MYH10: variants seen among roughly 807,000 people sequenced by gnomAD.
The protein encoded by MYH10 is myosin heavy chain 10.
In MYH10, 55 loss-of-function variants were observed where a neutral mutation model predicts 257.8. The observed-to-expected ratio is 0.21, with a 90% CI of 0.17 to 0.27. The LOEUF is 0.27. Ranked by LOEUF, MYH10 falls within the 10% of genes least tolerant of loss-of-function variation. The pLI is 1.00. For synonymous variants in MYH10, 854 were observed against 921.7 expected, an observed-to-expected ratio of 0.93 and a Z score of 1.33; for missense variants, 1,631 against 2,500.6, an observed-to-expected ratio of 0.65 and a Z score of 7.42.
At position 8,542,172 on chromosome 17, in the gene MYH10, T is replaced by G. The variant is rs2082308964; in HGVS notation, c.1540A>C (p.Ile514Leu). The change falls in exon 14 of 43, where the codon ATC becomes CTC. Residue 514 changes from isoleucine to leucine, a missense_variant. By Grantham distance (5) the Ile-to-Leu change is conservative (BLOSUM62 2). Coordinates refer to ENST00000360416, the MANE Select transcript of MYH10 (RefSeq NM_001256012.3). ...CCGAAATCGATGAAGTTCCACTCGA[T>G]GCCTTCGCGCTGGTATTCCTCTTGT... is the stretch of plus-strand genomic sequence containing the variant. ...LEQEEYQREG[I>L]EWNFIDFGLD... is the part of the protein sequence containing the mutation. 6.2e-7 allele frequency: 1 copy of G among 1,614,098 alleles called. No homozygotes were observed. Among genetic ancestry groups the G allele is most frequent in the Admixed American group, 1.7e-5 (1 of 60,004 alleles).
chr17:8,555,956 A>G (rs113991903), intron 7 of MYH10, among the ~76,000 whole-genome samples: 154 of 152,368 alleles, frequency 1.0e-3, no homozygotes, highest in African/African-American at 3.3e-3. Flanking sequence ...AAACAACCCA[A>G]TAAGAAAACA....
chr17:8,521,465 CTT>C (rs1163687584), intron 17 of MYH10, 180 bp from the exon 18 acceptor site: 3 of 625,206 alleles, frequency 4.8e-6, no homozygotes, highest in Admixed American at 5.7e-5. Flanking sequence ...CAGCCACACA[CTT>C]ATATGGCAGG....
At chr17:8,614,201 G>T (rs1323680670) in intron 2 of MYH10, among the ~76,000 whole-genome samples, 5 of 147,458 alleles carry the variant, frequency 3.4e-5, no homozygotes, top group South Asian at 2.2e-4. Context: ...AAATATAAAA[G>T]AATTGAAATT....
chr17:8,577,204 A>C, intron 5 of MYH10, 32 bp downstream of exon 5: 1 of 1,508,106 alleles, frequency 6.6e-7, no homozygotes, highest in Non-Finnish European at 9.1e-7. Context: ...AAAGAAGAAG[A>C]AGATTTAAAA....
chr17:8,582,714 AAAC>A (rs2083754640), intron 4 of MYH10, among the ~76,000 whole-genome samples: 1 of 152,238 alleles, frequency 6.6e-6, no homozygotes, highest in Admixed American at 6.5e-5. Context: ...AAAACATAAA[AAAC>A]AACAGCCTAA....
intron 4 of MYH10, among the ~76,000 whole-genome samples, chr17:8,584,390 G>A (rs1341075327): frequency 6.6e-6 from 1 of 152,228 alleles, no homozygotes; most frequent in East Asian, 1.9e-4. Context: ...GGCCAAGGTT[G>A]AAGCCAGCTG....
intron 2 of MYH10, among the ~76,000 whole-genome samples, chr17:8,611,278 G>A (rs1014183202): frequency 1.4e-4 from 22 of 152,316 alleles, no homozygotes; most frequent in African/African-American, 5.3e-4. Flanking sequence ...ACATGTCCTA[G>A]TTTCCCTAAG....
At chr17:8,518,279 G>A (rs1421130836) in intron 21 of MYH10, among the ~76,000 whole-genome samples, 2 of 151,960 alleles carry the variant, frequency 1.3e-5, no homozygotes, top group South Asian at 2.1e-4. Flanking sequence ...GACTACAGGC[G>A]CATGCTACCA....
intron 37 of MYH10, among the ~76,000 whole-genome samples, chr17:8,482,981 T>A (rs1042144990): frequency 6.6e-6 from 1 of 152,204 alleles, no homozygotes; most frequent in Non-Finnish European, 1.5e-5. Context: ...GGAACACTTA[T>A]AAAAACTAAC....
At chr17:8,622,297 T>G (rs1017567516) in intron 2 of MYH10, among the ~76,000 whole-genome samples, 15 of 152,208 alleles carry the variant, frequency 9.9e-5, no homozygotes, top group African/African-American at 2.4e-4. Context: ...ACATTATCCC[T>G]TATGATTTTC....
chr17:8,613,322 T>TG (rs969789610), intron 2 of MYH10, among the ~76,000 whole-genome samples: 18 of 151,734 alleles, frequency 1.2e-4, no homozygotes, highest in African/African-American at 3.9e-4. Flanking sequence ...CTAAAAGATG[T>TG]GGAAAAAAAA....
At chr17:8,481,568 T>C (rs774751436) in intron 37 of MYH10, 158 bp from the exon 38 acceptor site, 10 of 635,820 alleles carry the variant, frequency 1.6e-5, no homozygotes, top group Admixed American at 2.8e-5. Context: ...CAAGAAAATC[T>C]GCTCGGTGCA....
chr17:8,489,719 A>ACACACACACACACACACACACACACAC, intron 35 of MYH10, among the ~76,000 whole-genome samples: 2 of 40,756 alleles, frequency 4.9e-5, no homozygotes, highest in African/African-American at 1.1e-4. Context: ...ACACACACAC[A>ACACACACACACACACACACACACACAC]CACACACACA....
At chr17:8,486,686 A>G (rs1234968068) in intron 36 of MYH10, among the ~76,000 whole-genome samples, 1 of 151,898 alleles carries the variant, frequency 6.6e-6, no homozygotes, top group African/African-American at 2.4e-5. Context: ...AAATGTATAC[A>G]CACACATGTG....
intron 21 of MYH10, among the ~76,000 whole-genome samples, chr17:8,516,467 G>T (rs2151892787): frequency 6.6e-6 from 1 of 152,278 alleles, no homozygotes; most frequent in East Asian, 1.9e-4. Flanking sequence ...GAGGGGCAGG[G>T]GCTGCAAAGG....
In MYH10 at chr17:8,476,920, G is replaced by T. The variant is rs559417728; in HGVS notation, c.5835C>A (p.Asn1945Lys). 6.2e-7 allele frequency: 1 copy of T among 1,613,018 alleles called. No individual in the cohort carries two copies. The highest frequency in any genetic ancestry group is 8.5e-7 in the Non-Finnish European group (1 of 1,180,018). The change falls in exon 42 of 43, where the codon AAC (asparagine) becomes AAA (lysine). Residue 1945 changes from asparagine (N) to lysine (K), a missense_variant. This residue lies in a region of MYH10 where 343 missense variants were observed against 389.5 expected (regional missense o/e 0.88). Transcript: ENST00000360416. ...QRELDDATEANEGLSREVSTL... is the reference protein window; with the variant it reads ...QRELDDATEAKEGLSREVSTL... Reference sequence around the variant, plus strand: ...TGCTGACCTCGCGGCTCAGGCCCTCGTTGGCCTCGGTGGCATCATCCAGTT... The same window carrying T: ...TGCTGACCTCGCGGCTCAGGCCCTCTTTGGCCTCGGTGGCATCATCCAGTT...
intron 2 of MYH10, among the ~76,000 whole-genome samples, chr17:8,606,349 A>AG (rs1407767564): frequency 1.3e-5 from 2 of 152,334 alleles, no homozygotes; most frequent in South Asian, 2.1e-4. Flanking sequence ...TAACCCTCTA[A>AG]GGGACTGAAG....
At chr17:8,481,269 G>A (rs986249054) in intron 38 of MYH10, 53 bp downstream of exon 38, 13 of 1,551,674 alleles carry the variant, frequency 8.4e-6, no homozygotes, top group Non-Finnish European at 1.1e-5. Flanking sequence ...AGCCTTCTCA[G>A]CAGTGCGCGT....
At chr17:8,476,072 G>T in intron 42 of MYH10, 124 bp from the exon 43 acceptor site, 3 of 1,144,236 alleles carry the variant, frequency 2.6e-6, no homozygotes, top group South Asian at 3.1e-5. Context: ...ACACGACCTT[G>T]TGGGGGTGGC....
Sources: allele counts gnomAD v4.1 joint callset (sites outside exome capture counted in the v4.1 genomes callset), GRCh38; gene constraint gnomAD v4.1.1; regional missense constraint gnomAD v4.1.1; transcripts MANE v1.5; gene names NCBI Gene and HGNC (gene_info 2026-07-23, HGNC 2026-07-21).